The following ELAVL2 variants were observed in gnomAD, a reference collection of about 807,000 sequenced individuals.
ELAVL2 encodes ELAV like RNA binding protein 2.
ELAVL2 carries 4 observed loss-of-function variants against 34.6 expected under a neutral mutation model. The observed-to-expected ratio is 0.12, with a 90% CI of 0.06 to 0.26. ELAVL2 has a LOEUF of 0.26. Ranked by LOEUF, ELAVL2 falls within the 10% of genes least tolerant of loss-of-function variation. ELAVL2 has a pLI of 1.00. For missense variants in ELAVL2, 432 were observed against 442.8 expected (o/e 0.98, Z 0.22); for synonymous variants, 193 against 154.8 (o/e 1.25, Z -1.83).
At chr9:23,814,554 G>A (rs1480172523) in intron 1 of ELAVL2, among the ~76,000 whole-genome samples, 1 of 152,122 alleles carries the variant, frequency 6.6e-6, no homozygotes, top group Non-Finnish European at 1.5e-5. Context: ...GTCATTCAGA[G>A]GCACAGGACA....
intron 1 of ELAVL2, among the ~76,000 whole-genome samples, chr9:23,783,027 A>C (rs2059263426): frequency 6.6e-6 from 1 of 152,162 alleles, no homozygotes; most frequent in African/African-American, 2.4e-5. Flanking sequence ...ATCCCAAGAT[A>C]CTAACTGGTA....
chr9:23,731,151 CAT>C (rs1232507889), intron 2 of ELAVL2, 26 bp from the exon 3 acceptor site: 1 of 1,600,366 alleles, frequency 6.2e-7, no homozygotes, highest in South Asian at 1.1e-5. Context: ...GGGAAAAAGG[CAT>C]ATATTAGTTC....
At chr9:23,745,925 A>G (rs2050372716) in intron 2 of ELAVL2, among the ~76,000 whole-genome samples, 1 of 152,196 alleles carries the variant, frequency 6.6e-6, no homozygotes, top group African/African-American at 2.4e-5. Flanking sequence ...TACTGCTAGT[A>G]GTCATCTCAG....
intron 2 of ELAVL2, among the ~76,000 whole-genome samples, chr9:23,761,222 TG>T (rs2054916768): frequency 6.6e-6 from 1 of 152,112 alleles, no homozygotes; most frequent in South Asian, 2.1e-4. Flanking sequence ...CCACAGAGTC[TG>T]TCTACCTTCG....
At position 23,706,238 on chromosome 9, in the gene ELAVL2, G is replaced by C. The variant is rs989699371; in HGVS notation, c.334-1167C>G. 2.6e-5 allele frequency among the ~76,000 whole-genome samples: 4 copies of C among 152,208 alleles called. 1 individual carries two copies. On this transcript the variant is annotated intron_variant, in intron 3 of 6. Transcript: ENST00000397312. The stretch of plus-strand genomic sequence containing the variant: ...TCCCACAAGGACGAAAGACAAAATA[G>C]GTCTGCATGTATTTGTTTATAATCA...
chr9:23,770,122 A>G (rs1178379214), intron 1 of ELAVL2, among the ~76,000 whole-genome samples: 1 of 152,234 alleles, frequency 6.6e-6, no homozygotes, highest in Non-Finnish European at 1.5e-5. Context: ...AGCATCTTGG[A>G]GTGCTGATTT....
At chr9:23,751,917 C>T (rs1440794604) in intron 2 of ELAVL2, among the ~76,000 whole-genome samples, 1 of 152,160 alleles carries the variant, frequency 6.6e-6, no homozygotes, top group Non-Finnish European at 1.5e-5. Context: ...CTCCCAAGTC[C>T]TGCCTCGCAC....
intron 2 of ELAVL2, among the ~76,000 whole-genome samples, chr9:23,753,979 C>T (rs1303549730): frequency 6.6e-6 from 1 of 152,104 alleles, no homozygotes; most frequent in Non-Finnish European, 1.5e-5. Context: ...ACTGGTAAGG[C>T]AAATACGGCT....
chr9:23,821,727 G>C (rs2064785596), intron 1 of ELAVL2: 1 of 151,962 alleles, frequency 6.6e-6, no homozygotes, highest in Non-Finnish European at 1.5e-5. Flanking sequence ...CGGGAAAGGG[G>C]ACTGGAAGCC....
At chr9:23,729,599 T>C (rs1216427379) in intron 3 of ELAVL2, among the ~76,000 whole-genome samples, 1 of 152,130 alleles carries the variant, frequency 6.6e-6, no homozygotes, top group Non-Finnish European at 1.5e-5. Context: ...TTTGATAATA[T>C]ACAGTAACCA....
intron 1 of ELAVL2, among the ~76,000 whole-genome samples, chr9:23,789,173 T>C (rs898351912): frequency 6.6e-6 from 1 of 152,146 alleles, no homozygotes; most frequent in Non-Finnish European, 1.5e-5. Context: ...ATTCAGTTCC[T>C]ATTAGTCCCT....
At chr9:23,715,556 C>T (rs1305063700) in intron 3 of ELAVL2, among the ~76,000 whole-genome samples, 2 of 152,206 alleles carry the variant, frequency 1.3e-5, no homozygotes, top group Non-Finnish European at 2.9e-5. Context: ...GCTAAATTGG[C>T]TTGCAGAAAA....
At chr9:23,765,186 T>C (rs1212437325) in intron 1 of ELAVL2, 39 of 1,245,298 alleles carry the variant, frequency 3.1e-5, no homozygotes, top group Non-Finnish European at 3.7e-5. Context: ...AGTGATTGTA[T>C]TGATATTCCC....
intron 1 of ELAVL2, among the ~76,000 whole-genome samples, chr9:23,813,176 C>T (rs1339010609): frequency 6.6e-6 from 1 of 152,162 alleles, no homozygotes; most frequent in Non-Finnish European, 1.5e-5. Flanking sequence ...ATATTATCCA[C>T]CTTCCTTATT....
intron 3 of ELAVL2, among the ~76,000 whole-genome samples, chr9:23,730,485 T>C (rs548392542): frequency 2.0e-4 from 30 of 152,286 alleles, no homozygotes; most frequent in African/African-American, 7.0e-4. Context: ...TTTACATTTT[T>C]TAACTTGGAA....
At chr9:23,737,092 T>C (rs939045239) in intron 2 of ELAVL2, among the ~76,000 whole-genome samples, 1 of 152,202 alleles carries the variant, frequency 6.6e-6, no homozygotes, top group African/African-American at 2.4e-5. Context: ...ATCTTTGTTA[T>C]GTGTGTCTGG....
At chr9:23,710,463 A>AATACCAATAGATTAAAGTGATAAG (rs2040622456) in intron 3 of ELAVL2, among the ~76,000 whole-genome samples, 2 of 152,208 alleles carry the variant, frequency 1.3e-5, no homozygotes, top group African/African-American at 4.8e-5. Context: ...AGTGGACATT[A>AATACCAATAGATTAAAGTGATAAG]ATACCAATAG....
In ELAVL2 at chr9:23,691,581, T is replaced by A. The variant is rs1235968181; in HGVS notation, c.*976A>T. 1.3e-5 allele frequency: 2 copies of A among 152,578 alleles called. No individual in the cohort carries two copies. Among genetic ancestry groups the A allele is most frequent in the Non-Finnish European group, 2.9e-5 (2 of 68,000 alleles). The allele number at this position is 152,578 out of a possible 1,614,324, so 9.5% of individuals were successfully genotyped here. On this transcript the variant is annotated 3_prime_UTR_variant, in exon 7 of 7. Transcript: ENST00000397312. Reference sequence around the variant, plus strand: ...CTCTTATATATTCTTTTGTAAATTTTTTTTATTTGTTTCAAAATCACAAAT... The same window carrying A: ...CTCTTATATATTCTTTTGTAAATTTATTTTATTTGTTTCAAAATCACAAAT...
chr9:23,828,715 A>T (rs888339205), upstream of ELAVL2, among the ~76,000 whole-genome samples: 3 of 152,208 alleles, frequency 2.0e-5, no homozygotes, highest in South Asian at 6.2e-4. Flanking sequence ...ATGGACTTAA[A>T]TTATTTAAAA....
Sources: allele counts gnomAD v4.1 joint callset (sites outside exome capture counted in the v4.1 genomes callset), GRCh38; gene constraint gnomAD v4.1.1; transcripts MANE v1.5; gene names NCBI Gene and HGNC (gene_info 2026-07-23, HGNC 2026-07-21).